Variants in TEX11 observed in about 807,000 individuals in gnomAD.
TEX11 encodes testis expressed 11.
In TEX11, 7 loss-of-function variants were observed where a neutral mutation model predicts 84.4. That is an observed-to-expected ratio of 0.08 (90% CI 0.05 to 0.16). The LOEUF (loss-of-function observed/expected upper bound fraction) is 0.16, where lower values mean the gene tolerates loss of function less well. TEX11 is among the 10% of genes least tolerant of loss of function. The pLI is 1.00. For synonymous variants in TEX11, 264 were observed against 222.8 expected (o/e 1.18, Z -1.64); for missense variants, 551 against 660.5 (o/e 0.83, Z 1.82).
chrX:70,605,099 G>A (rs772822319), intron 24 of TEX11, among the ~76,000 whole-genome samples: 7 of 111,612 alleles, frequency 6.3e-5, no homozygotes, highest in East Asian at 2.8e-4. Context: ...GAGTCCAAAC[G>A]CGTATATAAT....
chrX:70,861,299 G>A (rs867591581), intron 4 of TEX11, among the ~76,000 whole-genome samples: 293 of 108,338 alleles, frequency 2.7e-3, no homozygotes, highest in African/African-American at 9.1e-3. Flanking sequence ...CTGACCTCGT[G>A]ATCCGCCCGC....
At chrX:70,520,437 A>G in the TEX11 span, among the ~76,000 whole-genome samples, 1 of 112,429 alleles carries the variant, frequency 8.9e-6, no homozygotes, top group Non-Finnish European at 1.9e-5. Context: ...TTGCCTGGGT[A>G]ACAGCCGTGG....
At chrX:70,900,395 A>AATAAG (rs1556245994) in intron 2 of TEX11, among the ~76,000 whole-genome samples, 1 of 60,087 alleles carries the variant, frequency 1.7e-5, no homozygotes. Flanking sequence ...AAAAAAAAAA[A>AATAAG]AAGAAGAAGA....
chrX:70,713,636 T>G (rs2090463633), intron 13 of TEX11, among the ~76,000 whole-genome samples: 1 of 111,673 alleles, frequency 9.0e-6, no homozygotes, highest in African/African-American at 3.3e-5. Flanking sequence ...TCGGTGGTGA[T>G]ATCCCCTTTA....
chrX:70,818,361 G>T (rs1488058273), intron 8 of TEX11, among the ~76,000 whole-genome samples: 1 of 110,561 alleles, frequency 9.0e-6, no homozygotes, highest in Non-Finnish European at 1.9e-5. Context: ...AAAATCTGAG[G>T]ATAACCACAT....
At chrX:70,547,317 C>G (rs759222611) in intron 28 of TEX11, among the ~76,000 whole-genome samples, 1 of 111,054 alleles carries the variant, frequency 9.0e-6, no homozygotes, top group East Asian at 2.8e-4. Flanking sequence ...AAGGACGGAG[C>G]AAGATGGCTG....
intron 21 of TEX11, 98 bp from the exon 22 acceptor site, chrX:70,609,275 T>C: frequency 1.4e-6 from 1 of 739,042 alleles, no homozygotes; most frequent in South Asian, 3.4e-5. Context: ...GGAGTTTGAA[T>C]TTAGAAAGTT....
chrX:70,822,676 T>G (rs2091324389), intron 8 of TEX11, among the ~76,000 whole-genome samples: 1 of 111,127 alleles, frequency 9.0e-6, no homozygotes, highest in Non-Finnish European at 1.9e-5. Context: ...AAAACGAGGT[T>G]TATTTGATTA....
chrX:70,666,043 G>A (rs771904930), intron 16 of TEX11, among the ~76,000 whole-genome samples: 32 of 111,729 alleles, frequency 2.9e-4, no homozygotes, highest in African/African-American at 1.0e-3. Context: ...CATCTACTAT[G>A]CATTAGGCAC....
chrX:70,841,583 G>T (rs375777998), intron 7 of TEX11, among the ~76,000 whole-genome samples: 1 of 110,323 alleles, frequency 9.1e-6, no homozygotes, highest in South Asian at 3.9e-4. Flanking sequence ...AGAAAAGCAA[G>T]AGCAAACACA....
chrX:70,789,179 CAA>C (rs756153550), intron 9 of TEX11, among the ~76,000 whole-genome samples: 1 of 91,409 alleles, frequency 1.1e-5, no homozygotes. Context: ...GACCCTGTCT[CAA>C]AAAAAAAAAA....
At chrX:70,829,310 C>T (rs1031490403) in intron 8 of TEX11, among the ~76,000 whole-genome samples, 5 of 109,893 alleles carry the variant, frequency 4.5e-5, no homozygotes, top group African/African-American at 1.7e-4. Flanking sequence ...GGTGAAACCC[C>T]GTCTCTACTA....
intron 24 of TEX11, among the ~76,000 whole-genome samples, chrX:70,595,817 A>T (rs2088998947): frequency 9.0e-6 from 1 of 111,690 alleles, no homozygotes; most frequent in Non-Finnish European, 1.9e-5. Context: ...AGTGCATTAA[A>T]CAACCCAATA....
chrX:70,843,935 T>C (rs1197563070), intron 7 of TEX11, among the ~76,000 whole-genome samples: 1 of 111,295 alleles, frequency 9.0e-6, no homozygotes, highest in Non-Finnish European at 1.9e-5. Context: ...CCAGTTAGAA[T>C]GGCATCATTA....
At chrX:70,752,641 G>T (rs1028958653) in intron 9 of TEX11, among the ~76,000 whole-genome samples, 2 of 109,738 alleles carry the variant, frequency 1.8e-5, no homozygotes, top group Admixed American at 9.7e-5. Flanking sequence ...AATTCCAGAG[G>T]TGGAACAAGA....
chrX:70,602,501 A>G (rs1392711772), intron 24 of TEX11, among the ~76,000 whole-genome samples: 187 of 104,861 alleles, frequency 1.8e-3, no homozygotes, highest in African/African-American at 6.3e-3. Flanking sequence ...AAATTCAACA[A>G]CCCTTCATGC....
chrX:70,654,691 T>TGAC (rs2089843817), intron 16 of TEX11, among the ~76,000 whole-genome samples: 1 of 57,410 alleles, frequency 1.7e-5, no homozygotes, highest in African/African-American at 7.4e-5. Flanking sequence ...AGCCTGGGCA[T>TGAC]AAAGTGAGAC....
intron 9 of TEX11, among the ~76,000 whole-genome samples, chrX:70,754,229 C>T (rs1442368686): frequency 1.8e-5 from 2 of 108,171 alleles, no homozygotes; most frequent in Non-Finnish European, 3.8e-5. Flanking sequence ...GGGTGAGTCC[C>T]AGACCAGGCA....
intron 25 of TEX11, among the ~76,000 whole-genome samples, chrX:70,560,431 C>T (rs1007619471): frequency 3.6e-5 from 4 of 111,016 alleles, no homozygotes; most frequent in African/African-American, 1.3e-4. Context: ...ATTACAGGAA[C>T]GAGCCACTGT....
Sources: gnomAD v4.1 joint callset for allele counts (sites outside exome capture counted in the v4.1 genomes callset) on GRCh38, gnomAD v4.1.1 for gene constraint, MANE v1.5 for transcripts, NCBI Gene and HGNC (gene_info 2026-07-23, HGNC 2026-07-21) for gene names.